The following RHOT1 variants were observed in gnomAD, a reference collection of about 807,000 sequenced individuals.
RHOT1 encodes the protein ras homolog family member T1, also known as mitochondrial Rho GTPase 1.
A neutral mutation model predicts 95.3 loss-of-function variants in RHOT1; 27 were observed. The ratio of observed to expected loss-of-function variants is 0.28; its 90% CI spans 0.21 to 0.39. The LOEUF (loss-of-function observed/expected upper bound fraction) is 0.39, where lower values mean the gene tolerates loss of function less well. Among genes scored for constraint, RHOT1 ranks in the 10% least tolerant of loss-of-function variants. The probability of loss-of-function intolerance (pLI) is 1.00; values close to 1 mark genes in which losing one functional copy is unlikely to be tolerated. For synonymous variants in RHOT1, 227 were observed against 263.5 expected (o/e 0.86, Z 1.34); for missense variants, 578 against 786.7 (o/e 0.73, Z 3.17).
intron 19 of RHOT1, chr17:32,222,974 C>CT (rs527250399): frequency 0.018 from 12,335 of 697,300 alleles, 108 homozygotes; most frequent in South Asian, 0.022. Context: ...TCTTCTCTGA[C>CT]TTTTTTTTTA....
At chr17:32,177,338 G>A (rs908306113) in intron 6 of RHOT1, among the ~76,000 whole-genome samples, 1 of 152,210 alleles carries the variant, frequency 6.6e-6, no homozygotes, top group African/African-American at 2.4e-5. Context: ...GAGATAAAGA[G>A]CATTTCCATC....
At chr17:32,146,863 C>T (rs2031426686) in intron 1 of RHOT1, among the ~76,000 whole-genome samples, 2 of 149,730 alleles carry the variant, frequency 1.3e-5, no homozygotes, top group South Asian at 2.1e-4. Flanking sequence ...GCTGGGATGA[C>T]AGGCATGCAC....
At chr17:32,192,604 T>A (rs1484464593) in intron 9 of RHOT1, among the ~76,000 whole-genome samples, 2 of 152,012 alleles carry the variant, frequency 1.3e-5, no homozygotes, top group Admixed American at 1.3e-4. Flanking sequence ...AAGAGCCCTG[T>A]GTTTTAGAAA....
chr17:32,160,929 C>T (rs1387674810), intron 1 of RHOT1, among the ~76,000 whole-genome samples: 2 of 152,152 alleles, frequency 1.3e-5, no homozygotes, highest in Non-Finnish European at 2.9e-5. Flanking sequence ...ACAGAGGCAC[C>T]ACTGGCCACA....
intron 8 of RHOT1, among the ~76,000 whole-genome samples, chr17:32,189,736 C>CTTTTTTTTT (rs71362807): frequency 1.6e-4 from 20 of 124,394 alleles, no homozygotes; most frequent in African/African-American, 4.7e-4. Context: ...CTTTTCTTTT[C>CTTTTTTTTT]TTTTTTTTTT....
chr17:32,143,261 C>T (rs1379327012), intron 1 of RHOT1: 30 of 365,144 alleles, frequency 8.2e-5, no homozygotes, highest in Non-Finnish European at 3.2e-5. Flanking sequence ...CAGGTTTCTG[C>T]ATTTTTTTGG....
intron 11 of RHOT1, among the ~76,000 whole-genome samples, chr17:32,194,888 T>G (rs8070458): frequency 0.044 from 6,624 of 150,062 alleles, 505 homozygotes; most frequent in African/African-American, 0.15. Flanking sequence ...GAGTGCAGTG[T>G]CACGATCTTG....
intron 19 of RHOT1, among the ~76,000 whole-genome samples, chr17:32,219,000 A>G (rs920598851): frequency 6.6e-6 from 1 of 152,170 alleles, no homozygotes; most frequent in African/African-American, 2.4e-5. Context: ...TTAAAAATCT[A>G]TACCTGAGAT....
chr17:32,222,965 C>A, intron 19 of RHOT1: 1 of 785,898 alleles, frequency 1.3e-6, no homozygotes, highest in Non-Finnish European at 1.5e-6. Flanking sequence ...TAAGCATTTT[C>A]TTCTCTGACT....
intron 19 of RHOT1, among the ~76,000 whole-genome samples, chr17:32,214,123 G>A (rs902676559): frequency 9.2e-5 from 14 of 152,142 alleles, no homozygotes; most frequent in Admixed American, 3.3e-4. Flanking sequence ...TAGGGGCTGC[G>A]TATTGGAGTT....
chr17:32,199,408 A>G lies in RHOT1; in HGVS notation c.958A>G (p.Arg320Gly). 1.2e-6 allele frequency: 2 copies of G among 1,610,660 alleles called. No individual in the cohort carries two copies. Among genetic ancestry groups the G allele is most frequent in the Middle Eastern group, 1.7e-4 (1 of 6,050 alleles). The change falls in exon 13 of 20, where the codon AGA (arginine) becomes GGA (glycine). Residue 320 changes from arginine to glycine, a missense_variant. This residue lies in a region of RHOT1 where 227 missense variants were observed against 316.0 expected (regional missense o/e 0.72). Transcript: ENST00000545287. Reference protein sequence around the residue: ...QSTFDKHDLDRDCALSPDELK... With the variant: ...QSTFDKHDLDGDCALSPDELK... ...CTGTATCCTTGTGTTTCTTCAGGAT[A>G]GAGACTGTGCTTTGTCACCTGATGA...
intron 19 of RHOT1, chr17:32,221,139 G>T: frequency 1.7e-6 from 1 of 597,374 alleles, no homozygotes; most frequent in African/African-American, 2.0e-5. Context: ...AAGCCGAGGT[G>T]GGTGGATCAC....
chr17:32,165,390 G>A (rs1214019692), intron 1 of RHOT1, among the ~76,000 whole-genome samples: 1 of 149,120 alleles, frequency 6.7e-6, no homozygotes, highest in African/African-American at 2.5e-5. Context: ...AGGCATGGTG[G>A]CACATGCCTG....
At chr17:32,191,955 C>T (rs899228526) in intron 8 of RHOT1, among the ~76,000 whole-genome samples, 1 of 152,170 alleles carries the variant, frequency 6.6e-6, no homozygotes, top group African/African-American at 2.4e-5. Flanking sequence ...AGATGAACTT[C>T]TCTTTTCCCT....
chr17:32,192,945 G>T (rs556014406), intron 9 of RHOT1, among the ~76,000 whole-genome samples, 191 bp from the exon 10 acceptor site: 1 of 152,102 alleles, frequency 6.6e-6, no homozygotes, highest in Admixed American at 6.5e-5. Context: ...GATTACAGGC[G>T]TGAGCCACTG....
intron 4 of RHOT1, among the ~76,000 whole-genome samples, chr17:32,175,579 C>A (rs866477554): frequency 1.4e-4 from 21 of 152,174 alleles, no homozygotes; most frequent in Middle Eastern, 6.3e-3. Context: ...GCCTCAGCCT[C>A]CCAAGTAGCT....
chr17:32,192,395 G>A (rs2036555451), intron 9 of RHOT1, 96 bp downstream of exon 9: 4 of 711,230 alleles, frequency 5.6e-6, no homozygotes, highest in Non-Finnish European at 9.6e-6. Context: ...AACAAGAACA[G>A]TATGTTATAA....
intron 19 of RHOT1, among the ~76,000 whole-genome samples, chr17:32,217,968 T>A (rs1280825635): frequency 1.3e-5 from 2 of 151,786 alleles, no homozygotes; most frequent in African/African-American, 2.4e-5. Context: ...GTTCAAGTGA[T>A]TCTCCTGTCT....
intron 19 of RHOT1, among the ~76,000 whole-genome samples, chr17:32,219,708 C>T (rs1257492006): frequency 6.6e-6 from 1 of 152,196 alleles, no homozygotes; most frequent in Admixed American, 6.5e-5. Flanking sequence ...AACTTGACGT[C>T]TGATACATTA....
Sources: allele counts gnomAD v4.1 joint callset (sites outside exome capture counted in the v4.1 genomes callset), GRCh38; gene constraint gnomAD v4.1.1; regional missense constraint gnomAD v4.1.1; transcripts MANE v1.5; gene names NCBI Gene and HGNC (gene_info 2026-07-23, HGNC 2026-07-21).